RAB34: variants seen among roughly 807,000 people sequenced by gnomAD.
The protein encoded by RAB34 is RAB34, member RAS oncogene family.
RAB34 carries 33 observed loss-of-function variants against 39.0 expected under a neutral mutation model. That is an observed-to-expected ratio of 0.85 (90% CI 0.64 to 1.13). The LOEUF is 1.13. RAB34 is among the 50% of genes most tolerant of loss of function. RAB34 has a pLI of 0.00. For synonymous variants in RAB34, 135 were observed against 125.1 expected (o/e 1.08, Z -0.53); for missense variants, 289 against 326.1 (o/e 0.89, Z 0.88).
In RAB34 at chr17:28,715,497, AATG is replaced by A. The variant is rs774736701; in HGVS notation, c.387_389del (p.Ile130del). The stretch of plus-strand genomic sequence containing the variant: ...ATGCCACATCATTCAGGTTGAAGAC[AATG>A]ATGATGGCTGGAAGAGTGGCAGAAA... On this transcript the variant is annotated inframe_deletion, in exon 6 of 10. Coordinates refer to ENST00000395245, the MANE Select transcript of RAB34 (RefSeq NM_031934.6). 1.2e-6 allele frequency: 2 copies of A among 1,614,112 alleles called. No individual in the cohort carries two copies. Among genetic ancestry groups the A allele is most frequent in the South Asian group, 2.2e-5 (2 of 91,080 alleles).
At chr17:28,717,111 G>C in intron 1 of RAB34, 102 bp downstream of exon 1, 1 of 1,539,588 alleles carries the variant, frequency 6.5e-7, no homozygotes, top group East Asian at 2.3e-5. Context: ...GGCCTAGCTG[G>C]GTGGCAGGGC....
chr17:28,717,491 C>A lies in RAB34; in HGVS notation c.-225G>T. On this transcript the variant is annotated 5_prime_UTR_variant, in exon 1 of 10. Coordinates refer to ENST00000395245, the MANE Select transcript of RAB34 (RefSeq NM_031934.6). The stretch of plus-strand genomic sequence containing the variant: ...GGGCCGCGGCGAGCCCAAAATCACC[C>A]GGGCCCTGGGCGTCCCGAAGATGAC... The A allele has an allele frequency of 7.0e-7, 1 of 1,438,190 alleles. No homozygotes were observed. The highest frequency in any genetic ancestry group is 9.1e-7 in the Non-Finnish European group (1 of 1,097,646). The allele number at this position is 1,438,190 out of a possible 1,614,324, so 89.1% of individuals were successfully genotyped here. A position where few individuals can be genotyped will look rare whatever the true frequency, so the allele number is the denominator to read the frequency against.
At chr17:28,718,253 T>A, upstream of RAB34, 1 of 1,560,156 alleles carries the variant, frequency 6.4e-7, no homozygotes, top group Non-Finnish European at 8.7e-7. Flanking sequence ...ACTCCAGGCC[T>A]GGGAGGTGAC....
chr17:28,716,585 G>A (rs770438111), intron 2 of RAB34: 43 of 314,448 alleles, frequency 1.4e-4, no homozygotes, highest in Non-Finnish European at 2.2e-4. Context: ...ACTCATCCCT[G>A]TAAGCACAGC....
In RAB34 at chr17:28,716,948, G is replaced by C. The variant is rs1218608862; in HGVS notation, c.101C>G (p.Pro34Arg). 1 of 1,613,654 alleles carries C rather than the reference G, an allele frequency of 6.2e-7. No individual in the cohort carries two copies. The change falls in exon 2 of 10, where the codon CCC becomes CGC. Residue 34 changes from proline to arginine, a missense_variant. Coordinates refer to ENST00000395245, the MANE Select transcript of RAB34 (RefSeq NM_031934.6). ...AALHGHKDFH[P>R]RVTCACQEHR... ...CTCCTGGCAGGCGCAGGTGACGCGGGGGTGGAAGTCTTTGTGCCCGTGCAA... is the reference window on the plus strand; with the variant it reads ...CTCCTGGCAGGCGCAGGTGACGCGGCGGTGGAAGTCTTTGTGCCCGTGCAA...
chr17:28,716,935 G>T lies in RAB34; in HGVS notation c.114C>A (p.Cys38Ter). Residue 38 changes from cysteine to a stop codon, truncating the protein, a stop_gained, in exon 2 of 10, where the codon TGC (cysteine) becomes TGA (stop). Transcript: ENST00000395245. LOFTEE classifies it high-confidence loss of function. ...TGCCTGTCCGGTGCTCCTGGCAGGCGCAGGTGACGCGGGGGTGGAAGTCTT... is the reference window on the plus strand; with the variant it reads ...TGCCTGTCCGGTGCTCCTGGCAGGCTCAGGTGACGCGGGGGTGGAAGTCTT... ...GHKDFHPRVTCACQEHRTGTV... is the reference protein window; with the variant it reads ...GHKDFHPRVT The T allele has an allele frequency of 6.2e-7, 1 of 1,613,428 alleles. No individual in the cohort carries two copies. The highest frequency in any genetic ancestry group is 8.5e-7 in the Non-Finnish European group (1 of 1,179,902).
intron 5 of RAB34, 36 bp from the exon 6 acceptor site, chr17:28,715,543 G>GGAA (rs746044929): frequency 6.2e-7 from 1 of 1,614,110 alleles, no homozygotes; most frequent in East Asian, 2.2e-5. Flanking sequence ...AGGTTGACAG[G>GGAA]GAAGACACTA....
At chr17:28,716,737 A>G (rs2033508107) in intron 2 of RAB34, 166 bp downstream of exon 2, 2 of 780,296 alleles carry the variant, frequency 2.6e-6, no homozygotes, top group African/African-American at 3.6e-5. Flanking sequence ...ACTCACAACA[A>G]CCTTGTTGGG....
intron 4 of RAB34, 30 bp downstream of exon 4, chr17:28,715,770 G>T: frequency 6.2e-7 from 1 of 1,611,166 alleles, no homozygotes. Context: ...GGGGAGAAGG[G>T]ATAGCTGGAA....
chr17:28,718,425 TTG>T (rs2033892197), upstream of RAB34: 3 of 590,168 alleles, frequency 5.1e-6, no homozygotes, highest in Non-Finnish European at 8.6e-6. Context: ...GCTGTGTAGA[TTG>T]TGAGGTGGGA....
At chr17:28,718,117 C>A, upstream of RAB34, 1 of 1,609,404 alleles carries the variant, frequency 6.2e-7, no homozygotes, top group Non-Finnish European at 8.5e-7. Flanking sequence ...CATGGGGACC[C>A]TTACCCAGCC....
chr17:28,717,939 G>GCCCCCCCCC, upstream of RAB34: 1 of 1,206,604 alleles, frequency 8.3e-7, no homozygotes, highest in Non-Finnish European at 1.1e-6. Context: ...AGGCCTCGCT[G>GCCCCCCCCC]CCCGCCCTCG....
Position 28,714,828 on chromosome 17 carries a change from TC to T in RAB34, c.676del (p.Glu226ArgfsTer23). On this transcript the variant is annotated frameshift_variant, in exon 9 of 10. Coordinates refer to ENST00000395245, the MANE Select transcript of RAB34 (RefSeq NM_031934.6). LOFTEE classifies it high-confidence loss of function. ...CCCAATGCGTCGAGCCCCCGATTTC[TC>T]CAGCTCAGCCAGCACATTGGCCTCA... ...TFEANVLAEL[E>X]KSGARRIGDV... is the part of the protein sequence containing the mutation. The T allele has an allele frequency of 6.2e-7, 1 of 1,614,086 alleles. No homozygotes were observed. The highest frequency in any genetic ancestry group is 8.5e-7 in the Non-Finnish European group (1 of 1,180,026).
Position 28,715,889 on chromosome 17 carries a change from G to A in RAB34, c.225C>T (p.Asp75=), listed in dbSNP as rs755189032. ...TGGCCTTGTAATTCTTATCAAAGGT[G>A]TCTTTGCAGAACCTGAGAGGGTACC... ...KTCLINRFCK[D]TFDKNYKATI... is the part of the protein sequence containing the mutation. Residue 75 remains aspartate, a synonymous_variant, in exon 4 of 10, where the codon GAC becomes GAT. Coordinates refer to ENST00000395245, the MANE Select transcript of RAB34 (RefSeq NM_031934.6). The A allele has an allele frequency of 6.2e-7, 1 of 1,613,862 alleles. No homozygotes were observed. The highest frequency in any genetic ancestry group is 1.7e-5 in the Admixed American group (1 of 60,022).
At position 28,714,637 on chromosome 17, in the gene RAB34, C is replaced by T. The variant is rs201099690; in HGVS notation, c.*6G>A. On this transcript the variant is annotated 3_prime_UTR_variant, in exon 10 of 10. Transcript: ENST00000395245. Reference sequence around the variant, plus strand: ...CTGGGCAGTCTCTGAACAGTCTCCTCAGCCCTCATGGGCAACATGTGGGCT... The same window carrying T: ...CTGGGCAGTCTCTGAACAGTCTCCTTAGCCCTCATGGGCAACATGTGGGCT... 2.1e-5 allele frequency: 34 copies of T among 1,614,030 alleles called. No homozygotes were observed. The highest frequency in any genetic ancestry group is 2.8e-5 in the Non-Finnish European group (33 of 1,180,024).
chr17:28,715,452 T>C lies in RAB34; in HGVS notation c.431+4A>G, dbSNP rs758263605. ...TCCCATTATATTGCAGGATGCTCAC[T>C]TACTTGGTATGTTCCAGAGATGCCA... On this transcript the variant is annotated splice_donor_region_variant and intron_variant, in intron 6 of 9. Coordinates refer to ENST00000395245, the MANE Select transcript of RAB34 (RefSeq NM_031934.6). 1 of 1,613,974 alleles carries C rather than the reference T, an allele frequency of 6.2e-7. No homozygotes were observed. Among genetic ancestry groups the C allele is most frequent in the South Asian group, 1.1e-5 (1 of 91,082 alleles).
chr17:28,717,132 C>G (rs1180104676), intron 1 of RAB34, 81 bp downstream of exon 1: 2 of 1,538,670 alleles, frequency 1.3e-6, no homozygotes. Flanking sequence ...TGGGCCCAGT[C>G]CTCTAACTGG....
chr17:28,715,855 C>G lies in RAB34; in HGVS notation c.259G>C (p.Val87Leu). The G allele has an allele frequency of 2.5e-6, 4 of 1,614,100 alleles. No individual in the cohort carries two copies. Among genetic ancestry groups the G allele is most frequent in the South Asian group, 1.1e-5 (1 of 91,088 alleles). Reference sequence around the variant, plus strand: ...TCAAATCGTTCCATCTCGAAGTCCACTCCAATGGTGGCCTTGTAATTCTTA... The same window carrying G: ...TCAAATCGTTCCATCTCGAAGTCCAGTCCAATGGTGGCCTTGTAATTCTTA... ...FDKNYKATIG[V>L]DFEMERFEVL... is the part of the protein sequence containing the mutation. Residue 87 changes from valine to leucine, a missense_variant, in exon 4 of 10, where the codon GTG becomes CTG. Transcript: ENST00000395245.
At chr17:28,714,753 C>G in intron 9 of RAB34, 40 bp downstream of exon 9, 1 of 1,614,088 alleles carries the variant, frequency 6.2e-7, no homozygotes, top group Non-Finnish European at 8.5e-7. Flanking sequence ...ATTGGAGGCT[C>G]ACTGTGCCCT....
Sources: gnomAD v4.1 joint callset for allele counts on GRCh38, gnomAD v4.1.1 for gene constraint, MANE v1.5 for transcripts, NCBI Gene and HGNC (gene_info 2026-07-23, HGNC 2026-07-21) for gene names.